Variants in ZNF317 observed in about 807,000 individuals in gnomAD.
ZNF317 encodes the protein KRAB-containing zinc finger protein 317.
In ZNF317, 17 loss-of-function variants were observed where a neutral mutation model predicts 23.4. That is an observed-to-expected ratio of 0.73 (90% CI 0.50 to 1.09). ZNF317 has a LOEUF of 1.09. ZNF317 is among the 50% of genes least tolerant of loss of function. The pLI is 0.00. For missense variants in ZNF317, 679 were observed against 796.7 expected (o/e 0.85, Z 1.78); for synonymous variants, 317 against 314.9 (o/e 1.01, Z -0.07).
Position 9,156,673 on chromosome 19 carries a change from C to G in ZNF317, c.87C>G (p.Asp29Glu). 1 of 1,614,116 alleles carries G rather than the reference C, an allele frequency of 6.2e-7. No homozygotes were observed. The highest frequency in any genetic ancestry group is 8.5e-7 in the Non-Finnish European group (1 of 1,180,006). ...QDSEFPVSSKDHSCPQNLDLF... is the reference protein window; with the variant it reads ...QDSEFPVSSKEHSCPQNLDLF... ...CAGAATTTCCTGTTTCTTCAAAAGA[C>G]CATTCCTGTCCCCAGAATTTGGACC... The change falls in exon 3 of 7, where the codon GAC (aspartate) becomes GAG (glutamate). Residue 29 changes from aspartate to glutamate, a missense_variant. Physicochemically the swap from Asp to Glu is conservative, Grantham distance 45. Transcript: ENST00000247956.
intron 1 of ZNF317, among the ~76,000 whole-genome samples, chr19:9,154,479 A>G (rs1365317986): frequency 2.6e-5 from 4 of 152,066 alleles, no homozygotes; most frequent in Non-Finnish European, 5.9e-5. Flanking sequence ...TATTGTTGGA[A>G]TCAGAGCGTT....
chr19:9,156,446 C>A (rs2050783636), intron 2 of ZNF317, among the ~76,000 whole-genome samples, 166 bp from the exon 3 acceptor site: 1 of 152,072 alleles, frequency 6.6e-6, no homozygotes, highest in Non-Finnish European at 1.5e-5. Context: ...GCTGCTCTGA[C>A]TTGTTATGAA....
intron 4 of ZNF317, chr19:9,157,668 T>G (rs1035096533): frequency 1.6e-6 from 1 of 622,268 alleles, no homozygotes; most frequent in Non-Finnish European, 2.3e-6. Flanking sequence ...ACTTGTGATC[T>G]TATTTCCTAT....
chr19:9,146,172 C>A (rs2050681123), intron 1 of ZNF317, among the ~76,000 whole-genome samples: 1 of 151,500 alleles, frequency 6.6e-6, no homozygotes. Context: ...TCTGTCTGTA[C>A]TTTGTGTTGC....
chr19:9,153,934 G>A (rs1453817513), intron 1 of ZNF317, among the ~76,000 whole-genome samples: 1 of 152,154 alleles, frequency 6.6e-6, no homozygotes, highest in East Asian at 1.9e-4. Flanking sequence ...CTCGGAAGGG[G>A]GCACTAAGGG....
intron 1 of ZNF317, among the ~76,000 whole-genome samples, chr19:9,142,053 G>T (rs2050636653): frequency 6.6e-6 from 1 of 152,180 alleles, no homozygotes; most frequent in Admixed American, 6.5e-5. Context: ...TGATCCACCG[G>T]CCTTGGCCTC....
intron 3 of ZNF317, chr19:9,157,038 A>G (rs2050791421): frequency 1.6e-6 from 1 of 636,728 alleles, no homozygotes; most frequent in Non-Finnish European, 2.7e-6. Flanking sequence ...CTGGAGGGAG[A>G]TTAGTCCCTT....
rs1420672316 is a variant in ZNF317 at position 9,160,277 on chromosome 19, A to G, written c.632A>G (p.Gln211Arg). ...VAFKGRPHLTQHMSMYDGRKM... is the reference protein window; with the variant it reads ...VAFKGRPHLTRHMSMYDGRKM... ...TTCAAGGGCAGGCCGCACCTCACTC[A>G]GCACATGAGCATGTACGACGGGAGA... Residue 211 changes from glutamine to arginine, a missense_variant, in exon 7 of 7, where the codon CAG (glutamine) becomes CGG (arginine). Physicochemically the swap from Gln to Arg is conservative, Grantham distance 43 (BLOSUM62 1). Transcript: ENST00000247956. This position sits in a 1 kb window ranked among gnomAD's most constrained non-coding sequence, Gnocchi z 6.8. 6.2e-7 allele frequency: 1 copy of G among 1,614,218 alleles called. No individual in the cohort carries two copies. Among genetic ancestry groups the G allele is most frequent in the Admixed American group, 1.7e-5 (1 of 60,018 alleles).
Position 9,160,992 on chromosome 19 carries a change from T to C in ZNF317, c.1347T>C (p.Asp449=). The C allele has an allele frequency of 6.2e-7, 1 of 1,614,082 alleles. No individual in the cohort carries two copies. The highest frequency in any genetic ancestry group is 8.5e-7 in the Non-Finnish European group (1 of 1,180,004). ...CTGGAGAGAAACCATACGGGTGCGA[T>C]CTCTGCGGGAAAGCTTTCAGCGCGA... ...SHTGEKPYGC[D]LCGKAFSASS... The change falls in exon 7 of 7, where the codon GAT becomes GAC. Residue 449 remains aspartate, a synonymous_variant. Coordinates refer to ENST00000247956, the MANE Select transcript of ZNF317 (RefSeq NM_020933.5). The surrounding 1 kb of genome is among the most constrained non-coding windows in gnomAD (Gnocchi z 6.8).
rs187726894 is a variant in ZNF317 at position 9,163,143 on chromosome 19, C to T, written c.*1710C>T. The T allele has an allele frequency of 8.5e-5, 13 of 152,340 alleles. No homozygotes were observed. Among genetic ancestry groups the T allele is most frequent in the African/African-American group, 2.9e-4 (12 of 41,574 alleles). The allele number at this position is 152,340 out of a possible 1,614,324, so 9.4% of individuals were successfully genotyped here. ...CACCACATGGGCTTCTGAGAAAGCT[C>T]TTGAATGGGGATCGTTCTTAAACAT... is the stretch of plus-strand genomic sequence containing the variant. On this transcript the variant is annotated 3_prime_UTR_variant, in exon 7 of 7. Transcript: ENST00000247956.
In ZNF317 at chr19:9,161,009, T is replaced by G; in HGVS notation, c.1364T>G (p.Phe455Cys). ...PYGCDLCGKA[F>C]SASSNLTAHR... is the part of the protein sequence containing the mutation. ...GGGTGCGATCTCTGCGGGAAAGCTT[T>G]CAGCGCGAGTTCAAACCTCACCGCA... Residue 455 changes from phenylalanine (F) to cysteine (C), a missense_variant, in exon 7 of 7, where the codon TTC (phenylalanine) becomes TGC (cysteine). Transcript: ENST00000247956. The surrounding 1 kb of genome is among the most constrained non-coding windows in gnomAD (Gnocchi z 4.0). The G allele has an allele frequency of 6.2e-7, 1 of 1,614,160 alleles. No individual in the cohort carries two copies. The highest frequency in any genetic ancestry group is 8.5e-7 in the Non-Finnish European group (1 of 1,180,038).
chr19:9,157,792 T>A, intron 4 of ZNF317, 188 bp from the exon 5 acceptor site: 1 of 1,352,628 alleles, frequency 7.4e-7, no homozygotes, highest in Non-Finnish European at 9.5e-7. Context: ...TTGCCTGTGG[T>A]TTTGTTTTCT....
Position 9,162,318 on chromosome 19 carries a change from C to A in ZNF317, c.*885C>A, listed in dbSNP as rs2050867542. 6.6e-6 allele frequency: 1 copy of A among 152,146 alleles called. No homozygotes were observed. The highest frequency in any genetic ancestry group is 6.5e-5 in the Admixed American group (1 of 15,276). 9.4% of individuals were successfully genotyped at this position (152,146 alleles called of 1,614,324 possible). On this transcript the variant is annotated 3_prime_UTR_variant, in exon 7 of 7. Coordinates refer to ENST00000247956, the MANE Select transcript of ZNF317 (RefSeq NM_020933.5). ...CACTGTTGCTGAGGTTGAAAATAAT[C>A]ATGCAGTCATTCCTCAATTACTGCC...
intron 1 of ZNF317, among the ~76,000 whole-genome samples, chr19:9,145,068 G>C (rs571979525): frequency 2.6e-5 from 4 of 152,224 alleles, no homozygotes; most frequent in African/African-American, 9.6e-5. Flanking sequence ...TTCTGAGACA[G>C]AGTCTCACTC....
chr19:9,148,962 C>T (rs1275478448), intron 1 of ZNF317, among the ~76,000 whole-genome samples: 1 of 152,144 alleles, frequency 6.6e-6, no homozygotes, highest in African/African-American at 2.4e-5. Flanking sequence ...CATCTATGAC[C>T]AACATGGCCA....
At chr19:9,141,691 A>G (rs987695633) in intron 1 of ZNF317, among the ~76,000 whole-genome samples, 2 of 152,218 alleles carry the variant, frequency 1.3e-5, no homozygotes, top group East Asian at 1.9e-4. Context: ...TGGTGAATCT[A>G]TATTTGAACT....
intron 1 of ZNF317, among the ~76,000 whole-genome samples, chr19:9,153,016 C>T (rs2050749397): frequency 6.6e-6 from 1 of 152,136 alleles, no homozygotes; most frequent in South Asian, 2.1e-4. Context: ...GTTTTGTCAC[C>T]TTTGTTGATC....
chr19:9,145,343 G>A (rs909623342), intron 1 of ZNF317, among the ~76,000 whole-genome samples: 4 of 152,128 alleles, frequency 2.6e-5, no homozygotes, highest in African/African-American at 4.8e-5. Flanking sequence ...GGCTGGTCTC[G>A]AACTCCTGCG....
Position 9,158,811 on chromosome 19 carries a change from T to G in ZNF317, c.386-15T>G, listed in dbSNP as rs758003083. On this transcript the variant is annotated splice_polypyrimidine_tract_variant and intron_variant, in intron 5 of 6. Transcript: ENST00000247956. Reference sequence around the variant, plus strand: ...TTCCTTTTCCAACAATTAATACTTTTCCAATTTGTTTCAGATTGGGAGACT... The same window carrying G: ...TTCCTTTTCCAACAATTAATACTTTGCCAATTTGTTTCAGATTGGGAGACT... 1 of 1,549,686 alleles carries G rather than the reference T, an allele frequency of 6.5e-7. No individual in the cohort carries two copies. Among genetic ancestry groups the G allele is most frequent in the South Asian group, 1.1e-5 (1 of 89,606 alleles).
Sources: allele counts gnomAD v4.1 joint callset (sites outside exome capture counted in the v4.1 genomes callset), GRCh38; gene constraint gnomAD v4.1.1; non-coding constraint Gnocchi (gnomAD v3.1); transcripts MANE v1.5; gene names NCBI Gene and HGNC (gene_info 2026-07-23, HGNC 2026-07-21).